Variants in TENM3 observed in about 807,000 individuals in gnomAD.
TENM3 encodes the protein teneurin-3.
Under a neutral mutation model 255.1 loss-of-function variants are expected in TENM3, and 63 were observed. The observed-to-expected ratio is 0.25, with a 90% CI of 0.20 to 0.30. The LOEUF is 0.30. TENM3 is among the 10% of genes least tolerant of loss of function. TENM3 has a pLI of 1.00. For missense variants in TENM3, 2,929 were observed against 3,461.1 expected, an observed-to-expected ratio of 0.85 and a Z score of 3.86; for synonymous variants, 1,306 against 1,322.3, an observed-to-expected ratio of 0.99 and a Z score of 0.27.
chr4:182,672,922 CT>C (rs1432159886), intron 6 of TENM3, 82 bp from the exon 7 acceptor site: 2 of 1,055,108 alleles, frequency 1.9e-6, no homozygotes, highest in Non-Finnish European at 2.7e-6. Flanking sequence ...GTAAAAATAA[CT>C]TTTTCAAAAA....
chr4:181,970,028 C>T, the TENM3 span, among the ~76,000 whole-genome samples: 1,703 of 152,272 alleles, frequency 0.011, 19 homozygotes, highest in Middle Eastern at 0.02. Context: ...AAAGACAGCT[C>T]CCCATTTGTT....
Position 182,519,435 on chromosome 4 carries a change from T to A in TENM3, c.512-81489T>A, listed in dbSNP as rs1426008121. On this transcript the variant is annotated intron_variant, in intron 3 of 27. Coordinates refer to ENST00000511685, the MANE Select transcript of TENM3 (RefSeq NM_001080477.4). ...AATAAGCATTGTTAATATTTTCATA[T>A]ACTCCCGTTCTGTTATTTTTAAGGT... Among the ~76,000 whole-genome samples, 7 of 152,330 alleles carry A rather than the reference T, an allele frequency of 4.6e-5. No individual in the cohort carries two copies. In the East Asian group the frequency reaches 1.3e-3, roughly 29 times the overall value.
At chr4:181,542,470 T>G in the TENM3 span, among the ~76,000 whole-genome samples, 3 of 152,200 alleles carry the variant, frequency 2.0e-5, no homozygotes, top group African/African-American at 7.2e-5. Context: ...CTGTGAAGAA[T>G]GAATTGTAGG....
chr4:181,802,207 A>G, the TENM3 span, among the ~76,000 whole-genome samples: 3 of 152,230 alleles, frequency 2.0e-5, no homozygotes, highest in Non-Finnish European at 4.4e-5. Flanking sequence ...AATAGCAGCT[A>G]TAATGGGTAC....
chr4:182,268,085 T>C (rs1438578550), intron 1 of TENM3, among the ~76,000 whole-genome samples: 1 of 152,176 alleles, frequency 6.6e-6, no homozygotes, highest in Non-Finnish European at 1.5e-5. Context: ...TTAGTTCCAA[T>C]AGTTGCCCAG....
At chr4:181,742,563 A>G in the TENM3 span, among the ~76,000 whole-genome samples, 2 of 152,202 alleles carry the variant, frequency 1.3e-5, no homozygotes, top group African/African-American at 2.4e-5. Context: ...GACAGAATAA[A>G]TAAGAATAAA....
chr4:181,527,133 C>T, the TENM3 span, among the ~76,000 whole-genome samples: 2 of 152,166 alleles, frequency 1.3e-5, no homozygotes, highest in African/African-American at 2.4e-5. Context: ...AATTGCAAAA[C>T]AGTTCCAATC....
the TENM3 span, among the ~76,000 whole-genome samples, chr4:181,836,773 T>G: frequency 6.6e-6 from 1 of 152,218 alleles, no homozygotes; most frequent in East Asian, 1.9e-4. Context: ...ATTTCAGAAT[T>G]AATGTGTCAA....
At chr4:181,900,338 C>A in the TENM3 span, among the ~76,000 whole-genome samples, 818 of 152,174 alleles carry the variant, frequency 5.4e-3, 8 homozygotes, top group African/African-American at 0.019. Flanking sequence ...TATCATCATT[C>A]AAAAGTTCAC....
At chr4:182,388,504 T>C (rs905185552) in intron 3 of TENM3, among the ~76,000 whole-genome samples, 5 of 152,206 alleles carry the variant, frequency 3.3e-5, no homozygotes, top group Admixed American at 6.5e-5. Flanking sequence ...ATTTAATAGG[T>C]ATGGATTTGA....
chr4:181,493,824 A>G, the TENM3 span, among the ~76,000 whole-genome samples: 112 of 152,282 alleles, frequency 7.4e-4, 1 homozygote, highest in African/African-American at 2.6e-3. Context: ...ACATTCGCCT[A>G]CGTACCAATG....
At chr4:182,681,695 TAGA>T in intron 10 of TENM3, 116 bp from the exon 11 acceptor site, 1 of 711,302 alleles carries the variant, frequency 1.4e-6, no homozygotes. Flanking sequence ...TTGAAAATGG[TAGA>T]TAAATATTTG....
intron 24 of TENM3, among the ~76,000 whole-genome samples, chr4:182,786,105 G>A (rs998430362): frequency 2.0e-5 from 3 of 152,200 alleles, no homozygotes; most frequent in South Asian, 4.1e-4. Context: ...ACGGCATCCA[G>A]TATTTGTCTG....
the TENM3 span, among the ~76,000 whole-genome samples, chr4:181,705,517 T>A: frequency 6.6e-6 from 1 of 152,364 alleles, no homozygotes; most frequent in South Asian, 2.1e-4. Flanking sequence ...TTTTCATCAT[T>A]GTTTTTCTCT....
chr4:182,108,061 C>T, the TENM3 span, among the ~76,000 whole-genome samples: 4 of 152,116 alleles, frequency 2.6e-5, no homozygotes, highest in Non-Finnish European at 2.9e-5. Context: ...TAACTTTTCA[C>T]GGGCTCCGTT....
intron 1 of TENM3, among the ~76,000 whole-genome samples, chr4:182,290,981 T>C (rs1228429024): frequency 3.3e-5 from 5 of 152,014 alleles, no homozygotes; most frequent in Non-Finnish European, 7.4e-5. Flanking sequence ...CCACCACGCC[T>C]GGCTAATTTT....
rs1755386849 is a variant in TENM3 at position 182,673,346 on chromosome 4, A to G, written c.1326+127A>G. 1.1e-5 allele frequency: 7 copies of G among 627,432 alleles called. No individual in the cohort carries two copies. In the East Asian group the frequency reaches 1.9e-4, roughly 17 times the overall value. 38.9% of individuals were successfully genotyped at this position (627,432 alleles called of 1,614,324 possible). A position where few individuals can be genotyped will look rare whatever the true frequency, so the allele number is the denominator to read the frequency against. The stretch of plus-strand genomic sequence containing the variant: ...CTTTTGAATCGACTTTCTACAGTAG[A>G]AAGAGTTTTGAATGTAGATTACTTG... On this transcript the variant is annotated intron_variant, in intron 7 of 27. Transcript: ENST00000511685.
chr4:182,776,215 C>T (rs368268203), intron 24 of TENM3, among the ~76,000 whole-genome samples: 1 of 152,162 alleles, frequency 6.6e-6, no homozygotes, highest in Non-Finnish European at 1.5e-5. Flanking sequence ...GAGTTCGAGA[C>T]CAGCCTAGGC....
the TENM3 span, chr4:181,976,540 T>C: frequency 6.6e-6 from 1 of 152,254 alleles, no homozygotes; most frequent in East Asian, 1.9e-4. Flanking sequence ...ATCCTACCTG[T>C]AACAGAGAAT....
Sources: gnomAD v4.1 joint callset for allele counts (sites outside exome capture counted in the v4.1 genomes callset) on GRCh38, gnomAD v4.1.1 for gene constraint, MANE v1.5 for transcripts, NCBI Gene and HGNC (gene_info 2026-07-23, HGNC 2026-07-21) for gene names.